Variants in XPR1 observed in about 807,000 individuals in gnomAD.
The protein encoded by XPR1 is solute carrier family 53 member 1.
In XPR1, 28 loss-of-function variants were observed where a neutral mutation model predicts 87.5. That is an observed-to-expected ratio of 0.32 (90% CI 0.24 to 0.44). The LOEUF is 0.44. Among genes scored for constraint, XPR1 ranks in the 20% least tolerant of loss-of-function variants. The pLI is 1.00. For synonymous variants in XPR1, 300 were observed against 306.1 expected (o/e 0.98, Z 0.21); for missense variants, 559 against 862.3 (o/e 0.65, Z 4.41).
chr1:180,711,932 T>A (rs1419499664), intron 2 of XPR1, among the ~76,000 whole-genome samples: 2 of 152,186 alleles, frequency 1.3e-5, no homozygotes, highest in Non-Finnish European at 2.9e-5. Flanking sequence ...ACATATCAGT[T>A]GTTCTAACAC....
intron 2 of XPR1, among the ~76,000 whole-genome samples, chr1:180,716,333 C>T (rs1234290790): frequency 1.3e-5 from 2 of 152,104 alleles, no homozygotes; most frequent in Non-Finnish European, 2.9e-5. Context: ...AGGTGATCCT[C>T]CTGCCTCAGC....
At chr1:180,654,707 C>T (rs1350629124) in intron 1 of XPR1, among the ~76,000 whole-genome samples, 1 of 152,078 alleles carries the variant, frequency 6.6e-6, no homozygotes, top group Non-Finnish European at 1.5e-5. Flanking sequence ...AGTGTAATGT[C>T]CTCAAGGTGC....
At chr1:180,770,877 C>G (rs1448017236) in intron 2 of XPR1, among the ~76,000 whole-genome samples, 2 of 152,040 alleles carry the variant, frequency 1.3e-5, no homozygotes, top group South Asian at 2.1e-4. Flanking sequence ...CTCTCAACTC[C>G]CGCTTATTAT....
intron 2 of XPR1, among the ~76,000 whole-genome samples, chr1:180,782,059 A>G (rs1178597495): frequency 1.3e-5 from 2 of 152,006 alleles, no homozygotes; most frequent in East Asian, 1.9e-4. Context: ...CTATTTTAGT[A>G]TAACTCACTG....
At chr1:180,856,227 A>C (rs1221526297) in intron 11 of XPR1, among the ~76,000 whole-genome samples, 1 of 152,228 alleles carries the variant, frequency 6.6e-6, no homozygotes, top group African/African-American at 2.4e-5. Flanking sequence ...ACATAGAATT[A>C]GAATTTAAAT....
intron 1 of XPR1, among the ~76,000 whole-genome samples, chr1:180,659,365 T>A (rs141130924): frequency 1.1e-5 from 1 of 93,854 alleles, no homozygotes; most frequent in African/African-American, 4.1e-5. Context: ...CCTTCCGTCC[T>A]TCCGTCCGTC....
intron 2 of XPR1, among the ~76,000 whole-genome samples, chr1:180,757,869 TAA>T (rs35162664): frequency 0.023 from 941 of 40,086 alleles, 9 homozygotes; most frequent in African/African-American, 0.062. Context: ...GTTGAAAATG[TAA>T]AAAAAAAAAA....
chr1:180,794,103 C>T (rs777926313), intron 3 of XPR1, among the ~76,000 whole-genome samples: 11 of 152,012 alleles, frequency 7.2e-5, no homozygotes, highest in South Asian at 2.1e-4. Flanking sequence ...CTGAGAAATG[C>T]GTCATGAGGT....
intron 2 of XPR1, among the ~76,000 whole-genome samples, chr1:180,697,308 G>C (rs912573249): frequency 6.6e-6 from 1 of 151,966 alleles, no homozygotes; most frequent in African/African-American, 2.4e-5. Flanking sequence ...TGTGGGATCA[G>C]TTATAGTGTC....
chr1:180,846,856 T>TA (rs575472951), intron 11 of XPR1, among the ~76,000 whole-genome samples: 5,851 of 132,732 alleles, frequency 0.044, 323 homozygotes, highest in African/African-American at 0.13. Flanking sequence ...CTTCACATAG[T>TA]AAAAAAAAAA....
At position 180,639,281 on chromosome 1, in the gene XPR1, C is replaced by G. The variant is rs183844665; in HGVS notation, c.69+7011C>G. Reference sequence around the variant, plus strand: ...CCAGCCTGGGTGACAGAGTGAGACACTGTCTGAAAAAAAAAAACACCCTTT... The same window carrying G: ...CCAGCCTGGGTGACAGAGTGAGACAGTGTCTGAAAAAAAAAAACACCCTTT... On this transcript the variant is annotated intron_variant, in intron 1 of 14. Coordinates refer to ENST00000367590, the MANE Select transcript of XPR1 (RefSeq NM_004736.4). Among the ~76,000 whole-genome samples the G allele has an allele frequency of 2.9e-3, 439 of 150,482 alleles. 3 individuals carry two copies. Among genetic ancestry groups the G allele is most frequent in the African/African-American group, 9.8e-3 (397 of 40,568 alleles).
At chr1:180,800,728 A>G (rs1334318590) in intron 3 of XPR1, among the ~76,000 whole-genome samples, 4 of 152,220 alleles carry the variant, frequency 2.6e-5, no homozygotes, top group African/African-American at 7.2e-5. Flanking sequence ...CCTTTTCCTC[A>G]GTGCACAGTC....
chr1:180,703,162 C>T (rs1657412918), intron 2 of XPR1, among the ~76,000 whole-genome samples: 2 of 152,066 alleles, frequency 1.3e-5, no homozygotes, highest in Admixed American at 1.3e-4. Flanking sequence ...TCCTTGGGCA[C>T]CAGTGGTGGT....
chr1:180,834,018 G>C (rs528711305), intron 9 of XPR1, among the ~76,000 whole-genome samples: 1 of 151,878 alleles, frequency 6.6e-6, no homozygotes, highest in Non-Finnish European at 1.5e-5. Context: ...ATATCAAGGA[G>C]TAGGAACGTT....
chr1:180,843,173 C>T (rs926383757), intron 11 of XPR1, among the ~76,000 whole-genome samples: 5 of 152,114 alleles, frequency 3.3e-5, no homozygotes, highest in African/African-American at 1.2e-4. Flanking sequence ...CCTCTGTCTA[C>T]CCTGAGTAAT....
chr1:180,762,674 G>A (rs1376881547), intron 2 of XPR1, among the ~76,000 whole-genome samples: 4 of 152,150 alleles, frequency 2.6e-5, no homozygotes, highest in Non-Finnish European at 4.4e-5. Context: ...CCAAGGGATC[G>A]CTGATGAAAA....
intron 6 of XPR1, among the ~76,000 whole-genome samples, chr1:180,807,547 A>G (rs985544142): frequency 1.3e-5 from 2 of 152,232 alleles, no homozygotes; most frequent in Admixed American, 1.3e-4. Flanking sequence ...CTGCTGAGCA[A>G]AATTAAAGAC....
At chr1:180,812,865 G>T (rs796359274) in intron 7 of XPR1, among the ~76,000 whole-genome samples, 16 of 152,012 alleles carry the variant, frequency 1.1e-4, no homozygotes, top group African/African-American at 3.1e-4. Flanking sequence ...GGCCAGACTG[G>T]TCTTGAACTC....
intron 13 of XPR1, chr1:180,878,196 AAAAAAG>A (rs1378106127): frequency 1.3e-5 from 2 of 152,220 alleles, no homozygotes; most frequent in Non-Finnish European, 2.9e-5. Context: ...AATTCTAGTA[AAAAAAG>A]AAAAATACCT....
Sources: allele counts gnomAD v4.1 joint callset (sites outside exome capture counted in the v4.1 genomes callset), GRCh38; gene constraint gnomAD v4.1.1; transcripts MANE v1.5; gene names NCBI Gene and HGNC (gene_info 2026-07-23, HGNC 2026-07-21).